The following FGGY variants were observed in gnomAD, a reference collection of about 807,000 sequenced individuals.
The protein encoded by FGGY is FGGY carbohydrate kinase domain-containing protein.
Under a neutral mutation model 71.3 loss-of-function variants are expected in FGGY, and 72 were observed. That is an observed-to-expected ratio of 1.01 (90% CI 0.84 to 1.23). The LOEUF is 1.23. FGGY is among the 50% of genes most tolerant of loss of function. The pLI, the probability that FGGY is intolerant of heterozygous loss-of-function variation, is 0.00. For synonymous variants in FGGY, 251 were observed against 250.3 expected (o/e 1.00, Z -0.02); for missense variants, 668 against 682.3 (o/e 0.98, Z 0.23).
chr1:59,546,700 C>T lies in FGGY; in HGVS notation c.800-7424C>T, dbSNP rs542767176. On this transcript the variant is annotated intron_variant, in intron 7 of 15. Transcript: ENST00000303721. The stretch of plus-strand genomic sequence containing the variant: ...TAGCTGGGACTATAGGTGCCGCCAC[C>T]ACGCCCGGCTAATTTTTTGTATTTT... 2.0e-5 allele frequency among the ~76,000 whole-genome samples: 3 copies of T among 152,000 alleles called. No homozygotes were observed. In the South Asian group the frequency reaches 6.3e-4, roughly 32 times the overall value.
At chr1:59,412,125 C>A (rs954207468) in intron 5 of FGGY, among the ~76,000 whole-genome samples, 1 of 152,168 alleles carries the variant, frequency 6.6e-6, no homozygotes, top group Non-Finnish European at 1.5e-5. Context: ...GTTCCAGCTG[C>A]CGTGACCAAG....
intron 13 of FGGY, among the ~76,000 whole-genome samples, chr1:59,671,861 G>T (rs1175844031): frequency 6.6e-6 from 1 of 152,102 alleles, no homozygotes; most frequent in Admixed American, 6.6e-5. Flanking sequence ...TCAAACCCTG[G>T]CAGTCTGGGT....
At chr1:59,586,524 G>A (rs189398102) in intron 8 of FGGY, among the ~76,000 whole-genome samples, 129 of 152,222 alleles carry the variant, frequency 8.5e-4, no homozygotes, top group African/African-American at 2.9e-3. Flanking sequence ...GGGGGAGTGG[G>A]GAGGGATAGC....
At chr1:59,508,044 G>T (rs777713550) in intron 6 of FGGY, among the ~76,000 whole-genome samples, 9 of 151,842 alleles carry the variant, frequency 5.9e-5, no homozygotes, top group Admixed American at 1.3e-4. Context: ...CTCACTTTTT[G>T]CTCTGCTGTC....
chr1:59,636,116 G>A (rs1385006693), intron 10 of FGGY, among the ~76,000 whole-genome samples: 1 of 152,084 alleles, frequency 6.6e-6, no homozygotes, highest in East Asian at 1.9e-4. Context: ...TTTTGCAGAT[G>A]AGAATGAGCT....
intron 5 of FGGY, among the ~76,000 whole-genome samples, chr1:59,441,583 T>C (rs187509765): frequency 7.9e-5 from 12 of 152,316 alleles, no homozygotes; most frequent in Admixed American, 3.3e-4. Context: ...ATGTTGATGC[T>C]GGGGAAAACA....
intron 11 of FGGY, among the ~76,000 whole-genome samples, chr1:59,644,801 C>T (rs1325228653): frequency 6.6e-6 from 1 of 152,018 alleles, no homozygotes; most frequent in Non-Finnish European, 1.5e-5. Context: ...CATGGTGAAA[C>T]CCCGTCTCTA....
chr1:59,733,722 G>A (rs2098071004), intron 14 of FGGY, among the ~76,000 whole-genome samples: 1 of 152,126 alleles, frequency 6.6e-6, no homozygotes, highest in African/African-American at 2.4e-5. Flanking sequence ...CCATGTCCCT[G>A]AATTAAGCCC....
At chr1:59,737,232 C>T (rs2098114006) in intron 14 of FGGY, among the ~76,000 whole-genome samples, 1 of 152,260 alleles carries the variant, frequency 6.6e-6, no homozygotes, top group Non-Finnish European at 1.5e-5. Context: ...CTTGGAGAAC[C>T]TCTGCTAGGG....
intron 14 of FGGY, among the ~76,000 whole-genome samples, chr1:59,682,066 C>T (rs2097505874): frequency 6.6e-6 from 1 of 152,054 alleles, no homozygotes; most frequent in Admixed American, 6.6e-5. Flanking sequence ...GAAATTTGAA[C>T]ATTTTAAAAA....
At chr1:59,675,104 A>G (rs1394904497) in intron 14 of FGGY, among the ~76,000 whole-genome samples, 1 of 152,196 alleles carries the variant, frequency 6.6e-6, no homozygotes, top group Non-Finnish European at 1.5e-5. Context: ...AACTTGGCCT[A>G]AATGAAACAG....
At chr1:59,535,031 A>T (rs1235771192) in intron 7 of FGGY, among the ~76,000 whole-genome samples, 2 of 152,086 alleles carry the variant, frequency 1.3e-5, no homozygotes, top group African/African-American at 2.4e-5. Flanking sequence ...AAAGACACAG[A>T]CTGGCAAATT....
intron 8 of FGGY, among the ~76,000 whole-genome samples, chr1:59,604,581 T>G (rs1470039017): frequency 1.3e-5 from 2 of 152,180 alleles, no homozygotes; most frequent in Non-Finnish European, 2.9e-5. Flanking sequence ...TGCAGTAACA[T>G]CCCCAAATTG....
intron 14 of FGGY, among the ~76,000 whole-genome samples, chr1:59,701,397 T>G (rs977893063): frequency 6.6e-6 from 1 of 152,162 alleles, no homozygotes. Flanking sequence ...TATGTCATAA[T>G]CATTCTTCAG....
rs142060658 is a variant in FGGY, at chr1:59,699,952, G to A, written c.1512+25819G>A. Among the ~76,000 whole-genome samples the A allele has an allele frequency of 1.4e-4, 21 of 152,160 alleles. No individual in the cohort carries two copies. In the East Asian group the frequency reaches 2.9e-3, roughly 21 times the overall value. ...TATAAAGTTGTCATTGAGACTTTTA[G>A]CCTATTTGTTCTCTCCACTGATATC... On this transcript the variant is annotated intron_variant, in intron 14 of 15. Coordinates refer to ENST00000303721, the MANE Select transcript of FGGY (RefSeq NM_018291.5).
intron 5 of FGGY, among the ~76,000 whole-genome samples, chr1:59,446,365 G>T (rs537398166): frequency 6.6e-6 from 1 of 152,172 alleles, no homozygotes; most frequent in Non-Finnish European, 1.5e-5. Flanking sequence ...CATGTTATCG[G>T]CAAGTCTGAC....
intron 1 of FGGY, among the ~76,000 whole-genome samples, chr1:59,306,265 A>AT (rs2043425618): frequency 6.6e-6 from 1 of 152,148 alleles, no homozygotes; most frequent in Non-Finnish European, 1.5e-5. Context: ...TGAGGAGGGG[A>AT]TTTTTGAGGT....
intron 5 of FGGY, among the ~76,000 whole-genome samples, chr1:59,455,895 C>T (rs2091639954): frequency 6.6e-6 from 1 of 152,176 alleles, no homozygotes; most frequent in South Asian, 2.1e-4. Context: ...ACATGACTTT[C>T]TTCAGAGAAC....
intron 5 of FGGY, among the ~76,000 whole-genome samples, chr1:59,416,763 G>A (rs1390770531): frequency 6.6e-6 from 1 of 152,166 alleles, no homozygotes; most frequent in Non-Finnish European, 1.5e-5. Flanking sequence ...TTTTTTAAAT[G>A]AGAGGAGCAA....
Sources: gnomAD v4.1 joint callset for allele counts (sites outside exome capture counted in the v4.1 genomes callset) on GRCh38, gnomAD v4.1.1 for gene constraint, MANE v1.5 for transcripts, NCBI Gene and HGNC (gene_info 2026-07-23, HGNC 2026-07-21) for gene names.